Variants in EPN1 observed in about 807,000 individuals in gnomAD.
EPN1 encodes epsin-1.
EPN1 carries 25 observed loss-of-function variants against 56.9 expected under a neutral mutation model. The ratio of observed to expected loss-of-function variants is 0.44; its 90% CI spans 0.32 to 0.61. EPN1 has a LOEUF of 0.61. Among genes scored for constraint, EPN1 ranks in the 20% least tolerant of loss-of-function variants. The pLI, the probability that EPN1 is intolerant of heterozygous loss-of-function variation, is 0.05. For missense variants in EPN1, 785 were observed against 823.7 expected, an observed-to-expected ratio of 0.95 and a Z score of 0.58; for synonymous variants, 411 against 361.8, an observed-to-expected ratio of 1.14 and a Z score of -1.54.
intron 2 of EPN1, among the ~76,000 whole-genome samples, chr19:55,681,342 G>A (rs1037307112): frequency 6.6e-6 from 1 of 152,190 alleles, no homozygotes; most frequent in Non-Finnish European, 1.5e-5. Flanking sequence ...AGGGAACTGA[G>A]ACATAAAGGA....
At position 55,699,802 on chromosome 19, in the gene EPN1, C is replaced by T. The variant is rs891829318; in HGVS notation, c.*4446C>T. 1 of 152,172 alleles carries T rather than the reference C, an allele frequency of 6.6e-6. No individual in the cohort carries two copies. The highest frequency in any genetic ancestry group is 2.4e-5 in the African/African-American group (1 of 41,424). The allele number at this position is 152,172 out of a possible 1,614,324, so 9.4% of individuals were successfully genotyped here. On this transcript the variant is annotated 3_prime_UTR_variant, in exon 11 of 11. Transcript: ENST00000270460. ...ATGCTTTCCGCCGAGAAATCGCTCC[C>T]TTTGCTGTTTGTTTTGTATTGAATG...
chr19:55,679,589 A>C (rs974042113), intron 2 of EPN1, among the ~76,000 whole-genome samples: 1 of 152,078 alleles, frequency 6.6e-6, no homozygotes, highest in African/African-American at 2.4e-5. Flanking sequence ...ACAAGGCCCC[A>C]CCCTCATGCG....
At position 55,705,827 on chromosome 19, in the gene EPN1, A is replaced by ATATATATATATATATATATATATT. The variant is rs1568587466; in HGVS notation, c.*10472_*10473insATATATATATATATATATATATTT. On this transcript the variant is annotated 3_prime_UTR_variant, in exon 11 of 11. Transcript: ENST00000270460. The stretch of plus-strand genomic sequence containing the variant: ...TTGTGGGATATATATATATATATAT[A>ATATATATATATATATATATATATT]TTTAGAGTGTTGTGGGATATATATA... The ATATATATATATATATATATATATT allele has an allele frequency of 1.7e-5, 2 of 118,226 alleles. No individual in the cohort carries two copies. The highest frequency in any genetic ancestry group is 7.9e-5 in the African/African-American group (2 of 25,372). 7.3% of individuals were successfully genotyped at this position (118,226 alleles called of 1,614,324 possible).
chr19:55,682,355 T>C (rs141495635), intron 2 of EPN1, among the ~76,000 whole-genome samples: 2 of 152,338 alleles, frequency 1.3e-5, no homozygotes, highest in East Asian at 3.9e-4. Context: ...GCGTGGTCTT[T>C]TGTGTCTGGC....
chr19:55,684,689 T>C (rs1986046093), intron 2 of EPN1, among the ~76,000 whole-genome samples: 1 of 152,220 alleles, frequency 6.6e-6, no homozygotes, highest in African/African-American at 2.4e-5. Flanking sequence ...CTCCAGGCTG[T>C]TAGTACCAGC....
intron 6 of EPN1, among the ~76,000 whole-genome samples, chr19:55,690,714 A>C (rs189580071): frequency 3.5e-4 from 53 of 152,204 alleles, no homozygotes; most frequent in Admixed American, 7.8e-4. Flanking sequence ...GTGCACTGCT[A>C]TTGGTCTCAG....
Position 55,689,915 on chromosome 19 carries a change from G to A in EPN1, c.727G>A (p.Glu243Lys), listed in dbSNP as rs1375345234. 3.7e-6 allele frequency: 6 copies of A among 1,606,060 alleles called. No individual in the cohort carries two copies. Among genetic ancestry groups the A allele is most frequent in the Admixed American group, 1.7e-5 (1 of 58,948 alleles). ...GDDLRLQMAI[E>K]ESKRETGGKE... is the part of the protein sequence containing the mutation. ...TGACCTGCGGCTGCAGATGGCAATC[G>A]AGGAGAGCAAGAGGGAGACTGGGGG... Residue 243 changes from glutamate (E) to lysine (K), a missense_variant, in exon 6 of 11, where the codon GAG becomes AAG. Around this residue, in one of 2 missense-constraint regions of EPN1, gnomAD observed 650 missense variants for 605.0 expected, o/e 1.07. Transcript: ENST00000270460. This position sits in a 1 kb window ranked among gnomAD's most constrained non-coding sequence, Gnocchi z 5.7.
intron 1 of EPN1, chr19:55,677,626 G>T: frequency 6.4e-7 from 1 of 1,551,630 alleles, no homozygotes; most frequent in East Asian, 2.4e-5. Context: ...ACACAGCAGG[G>T]ACCCAGGCAG....
intron 7 of EPN1, 34 bp downstream of exon 7, chr19:55,692,091 C>G (rs576899143): frequency 1.4e-6 from 2 of 1,401,322 alleles, no homozygotes; most frequent in Non-Finnish European, 1.9e-6. Context: ...GCAGCCCCTA[C>G]GCCTGTGTGC....
chr19:55,677,657 T>G lies in EPN1; in HGVS notation c.-101-870T>G, dbSNP rs776944633. On this transcript the variant is annotated intron_variant, in intron 1 of 10. Transcript: ENST00000270460. ...GGCAGTGGGGCTGTTAGGTTCCTTA[T>G]CTCTCCTGAGCCTTGGGCTTCCGCT... 14 of 1,551,582 alleles carry G rather than the reference T, an allele frequency of 9.0e-6. No homozygotes were observed. In the African/African-American group the frequency reaches 1.8e-4, roughly 20 times the overall value.
At chr19:55,677,262 T>C (rs540759952) in intron 1 of EPN1, 2 of 1,132,222 alleles carry the variant, frequency 1.8e-6, no homozygotes, top group African/African-American at 3.1e-5. Flanking sequence ...TGTCTCAGTT[T>C]CCACCCTGTG....
Position 55,704,245 on chromosome 19 carries a change from C to T in EPN1, c.*8889C>T. On this transcript the variant is annotated 3_prime_UTR_variant, in exon 11 of 11. Coordinates refer to ENST00000270460, the MANE Select transcript of EPN1 (RefSeq NM_001130072.2). ...CCCATCCTCTCCGCTTAGACACCTG[C>T]AGTCACTGTCACTAGCTGAACTGCG... 1 of 152,716 alleles carries T rather than the reference C, an allele frequency of 6.5e-6. No homozygotes were observed. The highest frequency in any genetic ancestry group is 1.5e-5 in the Non-Finnish European group (1 of 68,326). 9.5% of individuals were successfully genotyped at this position (152,716 alleles called of 1,614,324 possible).
At chr19:55,690,989 C>T (rs1445581511) in intron 6 of EPN1, among the ~76,000 whole-genome samples, 5 of 152,208 alleles carry the variant, frequency 3.3e-5, no homozygotes, top group Non-Finnish European at 7.3e-5. Flanking sequence ...CTCTTCTCCC[C>T]TTCCCATCCC....
rs1987600392 is a variant in EPN1 at position 55,709,277 on chromosome 19, C to CA, written c.*13927dup. On this transcript the variant is annotated 3_prime_UTR_variant, in exon 11 of 11. Transcript: ENST00000270460. Reference sequence around the variant, plus strand: ...AGGATGTATCAATTAAGATTTAATTCAAAAAAGATGAATTTAAGTTAAAAA... The same window carrying CA: ...AGGATGTATCAATTAAGATTTAATTCAAAAAAAGATGAATTTAAGTTAAAAA... The CA allele has an allele frequency of 3.5e-6, 1 of 287,512 alleles. No individual in the cohort carries two copies. 17.8% of individuals were successfully genotyped at this position (287,512 alleles called of 1,614,324 possible).
rs189572203 is a variant in EPN1 at position 55,699,062 on chromosome 19, T to A, written c.*3706T>A. 5.6e-4 allele frequency: 86 copies of A among 152,382 alleles called. No individual in the cohort carries two copies. Among genetic ancestry groups the A allele is most frequent in the African/African-American group, 2.0e-3 (82 of 41,584 alleles). 9.4% of individuals were successfully genotyped at this position (152,382 alleles called of 1,614,324 possible). ...GCGGCCCCCACCCCATTTCATTTTT[T>A]ATTTTTTTATTATACTTTAAGTTCT... On this transcript the variant is annotated 3_prime_UTR_variant, in exon 11 of 11. Transcript: ENST00000270460.
intron 2 of EPN1, among the ~76,000 whole-genome samples, chr19:55,679,729 A>G (rs1229905987): frequency 6.6e-6 from 1 of 152,128 alleles, no homozygotes; most frequent in Admixed American, 6.5e-5. Flanking sequence ...GCACTTACAC[A>G]TGGGAGCAGG....
chr19:55,679,382 A>G (rs1985654045), intron 2 of EPN1, among the ~76,000 whole-genome samples: 1 of 152,198 alleles, frequency 6.6e-6, no homozygotes, highest in Admixed American at 6.5e-5. Context: ...GTGGCCAAGG[A>G]CATGGGCTGG....
At chr19:55,676,141 C>T (rs894504235) in intron 1 of EPN1, among the ~76,000 whole-genome samples, 4 of 152,146 alleles carry the variant, frequency 2.6e-5, no homozygotes, top group Non-Finnish European at 5.9e-5. Context: ...ATCATAGGGT[C>T]CTTGTGCATG....
In EPN1 at chr19:55,689,928, G is replaced by C; in HGVS notation, c.740G>C (p.Arg247Thr). 6.2e-7 allele frequency: 1 copy of C among 1,603,524 alleles called. No homozygotes were observed. ...RLQMAIEESKRETGGKEESSL... is the reference protein window; with the variant it reads ...RLQMAIEESKTETGGKEESSL... ...CAGATGGCAATCGAGGAGAGCAAGA[G>C]GGAGACTGGGGGCAAGGAGGAGGTG... The change falls in exon 6 of 11, where the codon AGG becomes ACG. Residue 247 changes from arginine (R) to threonine (T), a missense_variant. Around this residue, in one of 2 missense-constraint regions of EPN1, gnomAD observed 650 missense variants for 605.0 expected, o/e 1.07. Transcript: ENST00000270460. This position sits in a 1 kb window ranked among gnomAD's most constrained non-coding sequence, Gnocchi z 5.7.
Sources: gnomAD v4.1 joint callset for allele counts (sites outside exome capture counted in the v4.1 genomes callset) on GRCh38, gnomAD v4.1.1 for gene constraint, gnomAD v4.1.1 regional missense constraint, Gnocchi (gnomAD v3.1) non-coding constraint, MANE v1.5 for transcripts, NCBI Gene and HGNC (gene_info 2026-07-23, HGNC 2026-07-21) for gene names.